RALYL: variants seen among roughly 807,000 people sequenced by gnomAD.
RALYL encodes the protein RNA-binding Raly-like protein.
RALYL carries 29 observed loss-of-function variants against 35.1 expected under a neutral mutation model. The observed-to-expected ratio is 0.83, with a 90% CI of 0.61 to 1.13. The LOEUF (loss-of-function observed/expected upper bound fraction) is 1.13. Ranked by LOEUF, RALYL falls within the 50% of genes most tolerant of loss-of-function variation. The probability of loss-of-function intolerance (pLI) is 0.00; values close to 1 mark genes in which losing one functional copy is unlikely to be tolerated. For missense variants in RALYL, 359 were observed against 360.4 expected, an observed-to-expected ratio of 1.00 and a Z score of 0.03; for synonymous variants, 120 against 127.6, an observed-to-expected ratio of 0.94 and a Z score of 0.40.
At chr8:84,426,504 T>C (rs1418788061) in intron 1 of RALYL, among the ~76,000 whole-genome samples, 1 of 147,904 alleles carries the variant, frequency 6.8e-6, no homozygotes, top group Non-Finnish European at 1.5e-5. Context: ...AGTGAGATCA[T>C]GCAATACTTT....
At chr8:84,809,670 G>T (rs772857463) in intron 4 of RALYL, among the ~76,000 whole-genome samples, 1 of 151,988 alleles carries the variant, frequency 6.6e-6, no homozygotes, top group Non-Finnish European at 1.5e-5. Flanking sequence ...CTTGTTGTTG[G>T]TCTGTTCAGG....
intron 2 of RALYL, among the ~76,000 whole-genome samples, chr8:84,697,945 A>G (rs1304770555): frequency 6.6e-6 from 1 of 152,118 alleles, no homozygotes; most frequent in Non-Finnish European, 1.5e-5. Flanking sequence ...AAAAGCATGT[A>G]TATTTGCCAA....
At chr8:84,415,207 T>TTTTTTTTG (rs1208087287) in intron 1 of RALYL, among the ~76,000 whole-genome samples, 17 of 89,764 alleles carry the variant, frequency 1.9e-4, no homozygotes, top group Admixed American at 1.6e-3. Flanking sequence ...AGACACTCGT[T>TTTTTTTTG]TTTTTTTTTT....
At chr8:84,743,782 A>G (rs1807935347) in intron 2 of RALYL, among the ~76,000 whole-genome samples, 1 of 152,104 alleles carries the variant, frequency 6.6e-6, no homozygotes, top group South Asian at 2.1e-4. Flanking sequence ...ATCCTGACAC[A>G]TTGCTGCTAA....
chr8:84,813,189 C>T (rs1413255522), intron 4 of RALYL, among the ~76,000 whole-genome samples: 1 of 152,206 alleles, frequency 6.6e-6, no homozygotes, highest in African/African-American at 2.4e-5. Flanking sequence ...CCTTCAGTTT[C>T]TCCAGTCGGG....
At chr8:84,737,355 G>C (rs1847503810) in intron 2 of RALYL, among the ~76,000 whole-genome samples, 1 of 151,876 alleles carries the variant, frequency 6.6e-6, no homozygotes, top group South Asian at 2.1e-4. Flanking sequence ...ATGCAACATT[G>C]CTTGATATTA....
At chr8:84,196,095 A>G (rs1815195613) in intron 1 of RALYL, among the ~76,000 whole-genome samples, 1 of 152,240 alleles carries the variant, frequency 6.6e-6, no homozygotes, top group South Asian at 2.1e-4. Context: ...AATGGCTCTA[A>G]TGATATAGCT....
intron 1 of RALYL, among the ~76,000 whole-genome samples, chr8:84,273,915 CT>C (rs1384750250): frequency 2.6e-5 from 4 of 152,198 alleles, no homozygotes; most frequent in Non-Finnish European, 5.9e-5. Context: ...TAGCATCAAT[CT>C]AGATGGAGAC....
rs536980656 is a variant in RALYL, at chr8:84,300,500, T to A, written c.-24+116076T>A. Among the ~76,000 whole-genome samples, 29 of 152,184 alleles carry A rather than the reference T, an allele frequency of 1.9e-4. 1 individual carries two copies. In the South Asian group the frequency reaches 5.6e-3, roughly 29 times the overall value. On this transcript the variant is annotated intron_variant, in intron 1 of 8. Transcript: ENST00000521268. ...ATAGGTCCTGAATATCTTTGTTAGA[T>A]TTCTGCGTTGGGGATCTAATAATAC...
chr8:84,266,424 G>A (rs928457749), intron 1 of RALYL, among the ~76,000 whole-genome samples: 2 of 152,122 alleles, frequency 1.3e-5, no homozygotes, highest in Non-Finnish European at 2.9e-5. Flanking sequence ...ATGAAATCAT[G>A]TTTCCTTTCT....
chr8:84,662,310 C>CT (rs1399317794), intron 2 of RALYL, among the ~76,000 whole-genome samples: 1 of 152,106 alleles, frequency 6.6e-6, no homozygotes, highest in Non-Finnish European at 1.5e-5. Context: ...CACATTCACA[C>CT]TAATATATGC....
chr8:84,468,453 A>G (rs1222662547), intron 1 of RALYL, among the ~76,000 whole-genome samples: 1 of 150,000 alleles, frequency 6.7e-6, no homozygotes, highest in Non-Finnish European at 1.5e-5. Flanking sequence ...CTTTTCTTTA[A>G]GAATGTTGAA....
At chr8:84,408,690 G>A (rs1055601242) in intron 1 of RALYL, among the ~76,000 whole-genome samples, 9 of 152,268 alleles carry the variant, frequency 5.9e-5, no homozygotes, top group South Asian at 4.1e-4. Flanking sequence ...AACCATGGAC[G>A]CTTGTTCATC....
At chr8:84,619,468 A>G (rs1820729008) in intron 2 of RALYL, among the ~76,000 whole-genome samples, 1 of 146,254 alleles carries the variant, frequency 6.8e-6, no homozygotes, top group Admixed American at 6.8e-5. Flanking sequence ...CCATCCTTTT[A>G]TTTTGAGCCT....
intron 1 of RALYL, among the ~76,000 whole-genome samples, chr8:84,489,025 T>A (rs1358756318): frequency 6.6e-6 from 1 of 152,122 alleles, no homozygotes; most frequent in East Asian, 1.9e-4. Context: ...AATGATATAG[T>A]CACAGATATC....
At chr8:84,706,032 G>A (rs1190178857) in intron 2 of RALYL, 12 of 1,535,146 alleles carry the variant, frequency 7.8e-6, no homozygotes, top group South Asian at 1.2e-5. Context: ...AAATGACCAT[G>A]TACAAGAGCA....
chr8:84,483,366 G>A lies in RALYL; in HGVS notation c.-23-45933G>A, dbSNP rs2054252584. On this transcript the variant is annotated intron_variant, in intron 1 of 8. Coordinates refer to ENST00000521268, the MANE Select transcript of RALYL (RefSeq NM_173848.7). Reference sequence around the variant, plus strand: ...CTCTTCATCTTCTTCTGGAGGTGTAGGGTATTCATTGCTATTGCAATATAG... The same window carrying A: ...CTCTTCATCTTCTTCTGGAGGTGTAAGGTATTCATTGCTATTGCAATATAG... 2.0e-5 allele frequency among the ~76,000 whole-genome samples: 3 copies of A among 152,040 alleles called. No homozygotes were observed. In the South Asian group the frequency reaches 6.2e-4, roughly 31 times the overall value.
intron 2 of RALYL, among the ~76,000 whole-genome samples, chr8:84,600,485 C>G (rs1050703238): frequency 7.9e-5 from 12 of 152,082 alleles, no homozygotes. Context: ...GCTTTTGCAG[C>G]CTGTGTAGAA....
Position 84,873,436 on chromosome 8 carries a change from C to A in RALYL, c.685+39C>A. The A allele has an allele frequency of 8.0e-7, 1 of 1,248,324 alleles. No homozygotes were observed. The highest frequency in any genetic ancestry group is 1.2e-6 in the Non-Finnish European group (1 of 868,800). The allele number at this position is 1,248,324 out of a possible 1,614,324, so 77.3% of individuals were successfully genotyped here. A position where few individuals can be genotyped will look rare whatever the true frequency, so the allele number is the denominator to read the frequency against. ...GATCACAGACAGGTCAGAATTGAAC[C>A]AGTGAAACGTTGTCAATCACAGAAG... On this transcript the variant is annotated intron_variant, in intron 7 of 8. Transcript: ENST00000521268.
Sources: gnomAD v4.1 joint callset for allele counts (sites outside exome capture counted in the v4.1 genomes callset) on GRCh38, gnomAD v4.1.1 for gene constraint, MANE v1.5 for transcripts, NCBI Gene and HGNC (gene_info 2026-07-23, HGNC 2026-07-21) for gene names.